The following NTRK3 variants were observed in gnomAD, a reference collection of about 807,000 sequenced individuals.
The protein encoded by NTRK3 is NT-3 growth factor receptor.
Under a neutral mutation model 91.7 loss-of-function variants are expected in NTRK3, and 24 were observed. The ratio of observed to expected loss-of-function variants is 0.26; its 90% CI spans 0.19 to 0.37. NTRK3 has a LOEUF of 0.37. NTRK3 is among the 10% of genes least tolerant of loss of function. NTRK3 has a pLI of 1.00. For synonymous variants in NTRK3, 483 were observed against 404.0 expected (o/e 1.20, Z -2.34); for missense variants, 880 against 1,068.9 (o/e 0.82, Z 2.46).
intron 17 of NTRK3, among the ~76,000 whole-genome samples, chr15:87,888,970 G>A (rs1341268333): frequency 6.6e-6 from 1 of 152,138 alleles, no homozygotes; most frequent in African/African-American, 2.4e-5. Flanking sequence ...AAAGAAGACT[G>A]ATGAGTTAGG....
intron 13 of NTRK3, among the ~76,000 whole-genome samples, chr15:88,040,954 C>A (rs528567903): frequency 6.6e-6 from 1 of 152,282 alleles, no homozygotes; most frequent in African/African-American, 2.4e-5. Flanking sequence ...TCAAAAATCA[C>A]CTAGTCAGGA....
Position 88,234,318 on chromosome 15 carries a change from T to C in NTRK3, c.248+21588A>G, listed in dbSNP as rs990088901. On this transcript the variant is annotated intron_variant, in intron 3 of 18. Transcript: ENST00000394480. This position sits in a 1 kb window ranked among gnomAD's most constrained non-coding sequence, Gnocchi z 6.1. ...TCTCCTTCATTGATTGATGCATGCATCAGCCCTGCATTTATATAGCAAGGC... is the reference window on the plus strand; with the variant it reads ...TCTCCTTCATTGATTGATGCATGCACCAGCCCTGCATTTATATAGCAAGGC... Among the ~76,000 whole-genome samples the C allele has an allele frequency of 6.6e-6, 1 of 152,232 alleles. No homozygotes were observed. Among genetic ancestry groups the C allele is most frequent in the South Asian group, 2.1e-4 (1 of 4,820 alleles).
At chr15:88,160,378 G>T (rs907665861) in intron 5 of NTRK3, among the ~76,000 whole-genome samples, 1 of 152,206 alleles carries the variant, frequency 6.6e-6, no homozygotes, top group African/African-American at 2.4e-5. Context: ...CTAAGAAGCA[G>T]AGACCTTAGC....
At chr15:87,914,745 T>C (rs1418588054) in intron 17 of NTRK3, among the ~76,000 whole-genome samples, 18 of 152,084 alleles carry the variant, frequency 1.2e-4, no homozygotes, top group Non-Finnish European at 2.6e-4. Context: ...AATGACCAAC[T>C]ACAAGAACAA....
At chr15:87,906,816 C>T (rs1239940062) in intron 17 of NTRK3, among the ~76,000 whole-genome samples, 6 of 152,166 alleles carry the variant, frequency 3.9e-5, no homozygotes, top group Non-Finnish European at 8.8e-5. Flanking sequence ...TTTTTCTCCT[C>T]TCTGCTTTCC....
chr15:88,092,726 T>C (rs180742482), intron 13 of NTRK3, among the ~76,000 whole-genome samples: 3 of 152,340 alleles, frequency 2.0e-5, no homozygotes, highest in East Asian at 3.9e-4. Flanking sequence ...GTCTGCTCCT[T>C]GTCTGTTTCA....
At chr15:88,106,875 G>C (rs1355544223) in intron 13 of NTRK3, among the ~76,000 whole-genome samples, 2 of 151,824 alleles carry the variant, frequency 1.3e-5, no homozygotes, top group African/African-American at 4.8e-5. Flanking sequence ...GGAGGTTGCA[G>C]TGAGCTGAGA....
intron 4 of NTRK3, 21 bp from the exon 5 acceptor site, chr15:88,183,510 G>A (rs768497631): frequency 6.2e-7 from 1 of 1,610,816 alleles, no homozygotes; most frequent in Non-Finnish European, 8.5e-7. Flanking sequence ...AGAAAAAGAG[G>A]ATCAGCAGAG....
intron 17 of NTRK3, chr15:87,908,479 C>G (rs2066900900): frequency 2.5e-6 from 1 of 399,872 alleles, no homozygotes; most frequent in Non-Finnish European, 4.4e-6. Context: ...GAAATCAAAT[C>G]CAGACTCACT....
intron 14 of NTRK3, among the ~76,000 whole-genome samples, chr15:88,021,789 A>G (rs1187151995): frequency 1.3e-5 from 2 of 152,158 alleles, no homozygotes; most frequent in Non-Finnish European, 2.9e-5. Flanking sequence ...TCTTTGGGAC[A>G]TCTGTCATAA....
At chr15:87,962,631 T>C (rs2072405578) in intron 14 of NTRK3, among the ~76,000 whole-genome samples, 1 of 152,214 alleles carries the variant, frequency 6.6e-6, no homozygotes, top group South Asian at 2.1e-4. Flanking sequence ...CTCCCTTGCC[T>C]GGAGCCCAGA....
At chr15:88,204,197 T>C (rs1012305164) in intron 3 of NTRK3, among the ~76,000 whole-genome samples, 2 of 147,726 alleles carry the variant, frequency 1.4e-5, no homozygotes, top group Non-Finnish European at 3.1e-5. Context: ...AGATACAAAC[T>C]CTCTCCTCCA....
At chr15:88,239,934 G>T (rs1251277829) in intron 3 of NTRK3, among the ~76,000 whole-genome samples, 1 of 152,096 alleles carries the variant, frequency 6.6e-6, no homozygotes, top group Non-Finnish European at 1.5e-5. Context: ...GAAACTCTGG[G>T]GTGGGGCCCA....
chr15:88,072,985 C>T (rs149363262), intron 13 of NTRK3: 9 of 206,112 alleles, frequency 4.4e-5, no homozygotes, highest in African/African-American at 2.1e-4. Flanking sequence ...ATCTTAGAAG[C>T]CCATAGTTCC....
chr15:88,161,220 C>T (rs1292744778), intron 5 of NTRK3, among the ~76,000 whole-genome samples: 1 of 152,170 alleles, frequency 6.6e-6, no homozygotes, highest in East Asian at 1.9e-4. Context: ...AGATATGCTA[C>T]TATCATCATT....
At position 88,137,614 on chromosome 15, in the gene NTRK3, AC is replaced by A; in HGVS notation, c.465-54del. On this transcript the variant is annotated intron_variant, in intron 6 of 18. Coordinates refer to ENST00000394480, the Ensembl canonical transcript of NTRK3. ...ACCTCTGAACCGAAGATGGCCCAGGACCCTCCCAGGGCTATGAGGACAAGGG... is the reference window on the plus strand; with the variant it reads ...ACCTCTGAACCGAAGATGGCCCAGGACCTCCCAGGGCTATGAGGACAAGGG... 1.0e-5 allele frequency: 16 copies of A among 1,592,502 alleles called. 1 individual carries two copies. In the African/African-American group the frequency reaches 1.1e-4, roughly 11 times the overall value.
chr15:88,044,726 G>A (rs1187593937), intron 13 of NTRK3, among the ~76,000 whole-genome samples: 2 of 152,114 alleles, frequency 1.3e-5, no homozygotes, highest in Admixed American at 1.3e-4. Flanking sequence ...AAAGTCCAAT[G>A]TCTTCTTCCA....
intron 14 of NTRK3, among the ~76,000 whole-genome samples, chr15:87,999,605 A>G (rs1380103284): frequency 1.3e-5 from 2 of 152,134 alleles, no homozygotes; most frequent in Non-Finnish European, 2.9e-5. Context: ...TTTCCCTGGG[A>G]GGAATATGGC....
intron 5 of NTRK3, among the ~76,000 whole-genome samples, chr15:88,152,765 C>G (rs1394162330): frequency 6.6e-6 from 1 of 152,218 alleles, no homozygotes; most frequent in African/African-American, 2.4e-5. Context: ...TTCTGTCACC[C>G]CCTTGCTCTG....
Sources: allele counts gnomAD v4.1 joint callset (sites outside exome capture counted in the v4.1 genomes callset), GRCh38; gene constraint gnomAD v4.1.1; non-coding constraint Gnocchi (gnomAD v3.1); transcripts MANE v1.5; gene names NCBI Gene and HGNC (gene_info 2026-07-23, HGNC 2026-07-21).